ENTREP3: variants seen among roughly 807,000 people sequenced by gnomAD.
The protein encoded by ENTREP3 is endosomal transmembrane epsin interactor 3, also known as protein ENTREP3.
At chr1:155,252,713 TA>T in the ENTREP3 span, 19 of 58,824 alleles carry the variant, frequency 3.2e-4, no homozygotes, top group African/African-American at 1.4e-3. Context: ...TATATATATA[TA>T]TATATATATT....
At chr1:155,251,580 C>T in the ENTREP3 span, 3 of 1,613,952 alleles carry the variant, frequency 1.9e-6, no homozygotes, top group Non-Finnish European at 2.5e-6. Flanking sequence ...CTGGGCTGTC[C>T]ATGGAGCCAT....
chr1:155,253,622 C>T, the ENTREP3 span: 12 of 1,611,022 alleles, frequency 7.4e-6, no homozygotes, highest in South Asian at 5.5e-5. Context: ...GCTCCCTTCT[C>T]ACCGTATGCA....
At chr1:155,247,928 C>T in the ENTREP3 span, 1 of 1,597,570 alleles carries the variant, frequency 6.3e-7, no homozygotes, top group South Asian at 1.1e-5. Flanking sequence ...CTCTCTCGGC[C>T]AGGCCGGCCC....
At chr1:155,249,834 C>A in the ENTREP3 span, among the ~76,000 whole-genome samples, 55,262 of 149,560 alleles carry the variant, frequency 0.37, 12,255 homozygotes, top group East Asian at 0.71. Flanking sequence ...TGCAGTGAGC[C>A]CAGATCGCGC....
chr1:155,249,242 C>T, the ENTREP3 span, among the ~76,000 whole-genome samples: 1 of 151,586 alleles, frequency 6.6e-6, no homozygotes, highest in Non-Finnish European at 1.5e-5. Context: ...AGGCGCGCTC[C>T]ACCACACCTG....
chr1:155,248,535 C>T, the ENTREP3 span: 1 of 1,462,484 alleles, frequency 6.8e-7, no homozygotes. Context: ...ACACGCCCAC[C>T]CTCCTGTGGG....
At chr1:155,251,896 C>T in the ENTREP3 span, 1 of 1,437,770 alleles carries the variant, frequency 7.0e-7, no homozygotes, top group Non-Finnish European at 9.1e-7. Flanking sequence ...ACTGACCGCT[C>T]AGGGGCCAGC....
chr1:155,250,229 C>T, the ENTREP3 span: 2 of 1,498,938 alleles, frequency 1.3e-6, no homozygotes, highest in South Asian at 1.3e-5. The surrounding 1 kb of genome is among the most constrained non-coding windows in gnomAD (Gnocchi z 5.4). Context: ...ACCTAACTCC[C>T]AGTGCCTACC....
chr1:155,251,285 G>A, the ENTREP3 span: 3 of 851,474 alleles, frequency 3.5e-6, no homozygotes, highest in African/African-American at 1.7e-5. Flanking sequence ...TCACTTAATT[G>A]TGCAGCCTCA....
At chr1:155,247,372 T>C in the ENTREP3 span, 9 of 485,646 alleles carry the variant, frequency 1.9e-5, no homozygotes, top group Middle Eastern at 4.2e-4. Flanking sequence ...GCCACCTAGA[T>C]TTTTTGGACT....
chr1:155,252,023 TC>T, the ENTREP3 span: 2 of 720,248 alleles, frequency 2.8e-6, no homozygotes, highest in Non-Finnish European at 4.3e-6. Flanking sequence ...TGAGAGAAGC[TC>T]TTGTTCTGGC....
At chr1:155,251,208 C>A in the ENTREP3 span, 1 of 1,459,574 alleles carries the variant, frequency 6.9e-7, no homozygotes, top group South Asian at 1.3e-5. Context: ...ACACACTGAA[C>A]ACCCCCATGT....
the ENTREP3 span, chr1:155,251,855 C>T: frequency 1.1e-5 from 16 of 1,521,660 alleles, no homozygotes; most frequent in Admixed American, 7.4e-5. Context: ...GGGGCGGGGA[C>T]GTGCAGCCCA....
At chr1:155,249,162 A>C in the ENTREP3 span, among the ~76,000 whole-genome samples, 1 of 151,822 alleles carries the variant, frequency 6.6e-6, no homozygotes, top group African/African-American at 2.4e-5. Flanking sequence ...ATCTTGGCTC[A>C]CGGCAACCCC....
chr1:155,254,347 C>T, the ENTREP3 span: 1 of 1,594,826 alleles, frequency 6.3e-7, no homozygotes, highest in Middle Eastern at 1.7e-4. This position sits in a 1 kb window ranked among gnomAD's most constrained non-coding sequence, Gnocchi z 4.4. Context: ...AATGGGCTTC[C>T]CCTTGCGTGC....
chr1:155,253,845 G>A, the ENTREP3 span: 13 of 1,612,458 alleles, frequency 8.1e-6, no homozygotes, highest in Non-Finnish European at 1.1e-5. Flanking sequence ...GATGTTTGCA[G>A]GGTGCAAGCT....
chr1:155,250,999 C>T, the ENTREP3 span: 366 of 1,341,194 alleles, frequency 2.7e-4, 1 homozygote, highest in African/African-American at 4.7e-3. This position sits in a 1 kb window ranked among gnomAD's most constrained non-coding sequence, Gnocchi z 5.4. Flanking sequence ...CCCCAAACCA[C>T]CAACTCCGCC....
chr1:155,253,617 C>T, the ENTREP3 span: 1 of 1,608,036 alleles, frequency 6.2e-7, no homozygotes, highest in African/African-American at 1.3e-5. Flanking sequence ...CCCCTGCTCC[C>T]TTCTCACCGT....
the ENTREP3 span, chr1:155,248,599 G>A: frequency 1.3e-6 from 1 of 747,854 alleles, no homozygotes; most frequent in East Asian, 2.6e-5. Context: ...CCAATCAAAG[G>A]GCCAGCATCT....
Sources: gnomAD v4.1 joint callset for allele counts (sites outside exome capture counted in the v4.1 genomes callset) on GRCh38, gnomAD v4.1.1 for gene constraint, Gnocchi (gnomAD v3.1) non-coding constraint, MANE v1.5 for transcripts, NCBI Gene and HGNC (gene_info 2026-07-23, HGNC 2026-07-21) for gene names.